Variants in CNTN5 observed in about 807,000 individuals in gnomAD.
CNTN5 encodes the protein contactin-5.
Under a neutral mutation model 129.1 loss-of-function variants are expected in CNTN5, and 77 were observed. The ratio of observed to expected loss-of-function variants is 0.60; its 90% CI spans 0.50 to 0.72. The LOEUF (loss-of-function observed/expected upper bound fraction) is 0.72. CNTN5 is among the 30% of genes least tolerant of loss of function. CNTN5 has a pLI of 0.00. For missense variants in CNTN5, 1,478 were observed against 1,328.8 expected (o/e 1.11, Z -1.75); for synonymous variants, 509 against 465.6 (o/e 1.09, Z -1.20).
At chr11:99,913,914 T>TTCGATGAAGATG (rs1239027231) in intron 6 of CNTN5, among the ~76,000 whole-genome samples, 4 of 152,164 alleles carry the variant, frequency 2.6e-5, no homozygotes, top group African/African-American at 9.6e-5. Flanking sequence ...AATTTGTAGA[T>TTCGATGAAGATG]TCGATGAAGA....
chr11:100,356,176 G>A lies in CNTN5; in HGVS notation c.3259G>A (p.Val1087Ile). ...CTCTCTCTCCACATCTTCGTCATCA[G>A]TCACCTTGCTCTTGGCATTGATGAT... ...LHSLSTSSSS[V>I]TLLLALMIPS... The change falls in exon 25 of 25, where the codon GTC (valine) becomes ATC (isoleucine). Residue 1087 changes from valine to isoleucine, a missense_variant. Transcript: ENST00000524871. The A allele has an allele frequency of 6.2e-7, 1 of 1,610,674 alleles. No homozygotes were observed. The highest frequency in any genetic ancestry group is 1.1e-5 in the South Asian group (1 of 90,680).
intron 6 of CNTN5, among the ~76,000 whole-genome samples, chr11:99,849,897 C>G (rs1481399176): frequency 6.6e-6 from 1 of 152,016 alleles, no homozygotes; most frequent in Non-Finnish European, 1.5e-5. Flanking sequence ...TTTGACTTAG[C>G]CAATTTGACT....
intron 8 of CNTN5, among the ~76,000 whole-genome samples, chr11:99,964,983 A>G (rs1221909904): frequency 2.0e-5 from 3 of 152,086 alleles, no homozygotes; most frequent in East Asian, 3.9e-4. Context: ...GGTAGTTTGT[A>G]TTTCTGTGGG....
chr11:99,355,601 A>C (rs1212920577), intron 2 of CNTN5, among the ~76,000 whole-genome samples: 1 of 152,084 alleles, frequency 6.6e-6, no homozygotes, highest in Non-Finnish European at 1.5e-5. Context: ...CATCTAGAAA[A>C]AGTAGAGTGT....
chr11:99,989,598 T>C (rs1164922219), intron 8 of CNTN5, among the ~76,000 whole-genome samples: 4 of 152,194 alleles, frequency 2.6e-5, no homozygotes, highest in African/African-American at 4.8e-5. Flanking sequence ...GAACTTATTG[T>C]AAAATATTTG....
At chr11:99,352,553 C>T (rs537007154) in intron 2 of CNTN5, among the ~76,000 whole-genome samples, 191 of 151,880 alleles carry the variant, frequency 1.3e-3, no homozygotes, top group Admixed American at 2.6e-3. Flanking sequence ...TTGTTTGGAG[C>T]CCCTATTCCT....
chr11:99,669,340 C>A (rs187337297), intron 3 of CNTN5, among the ~76,000 whole-genome samples: 1 of 152,040 alleles, frequency 6.6e-6, no homozygotes, highest in Admixed American at 6.6e-5. Flanking sequence ...TTATTGTAGT[C>A]TACTTATGCA....
chr11:99,637,010 C>CAAAAAAAAAAA lies in CNTN5; in HGVS notation c.55+80762_55+80772dup, dbSNP rs869133131. 8.4e-3 allele frequency among the ~76,000 whole-genome samples: 66 copies of CAAAAAAAAAAA among 7,822 alleles called. 17 individuals are homozygous for CAAAAAAAAAAA. Among genetic ancestry groups the CAAAAAAAAAAA allele is most frequent in the South Asian group, 0.027 (2 of 74 alleles). The allele number at this position is 7,822 out of a possible 152,430, so 5.1% of individuals were successfully genotyped here. On this transcript the variant is annotated intron_variant, in intron 3 of 24. Coordinates refer to ENST00000524871, the MANE Select transcript of CNTN5 (RefSeq NM_014361.4). ...CCTGGTGACAGAGCTAACTTTGTCT[C>CAAAAAAAAAAA]AAAAAAAAAAAAAAAAAAAAAAAAA...
chr11:100,170,688 C>T (rs2044983), intron 13 of CNTN5, among the ~76,000 whole-genome samples: 134,350 of 151,936 alleles, frequency 0.88, 59,684 homozygotes, highest in East Asian at 0.99. Context: ...TAGACAAGGA[C>T]AGTTCCATGC....
At chr11:100,240,770 A>G (rs1174591034) in intron 16 of CNTN5, among the ~76,000 whole-genome samples, 2 of 152,212 alleles carry the variant, frequency 1.3e-5, no homozygotes, top group African/African-American at 2.4e-5. Flanking sequence ...GTTTACCCAT[A>G]TATTGTCAAG....
At chr11:99,823,677 G>GTGAC (rs1946868397) in intron 4 of CNTN5, among the ~76,000 whole-genome samples, 1 of 151,852 alleles carries the variant, frequency 6.6e-6, no homozygotes, top group South Asian at 2.1e-4. Context: ...AAAGTGTCTT[G>GTGAC]TGACTATATA....
At chr11:99,567,078 T>C (rs2135565840) in intron 3 of CNTN5, among the ~76,000 whole-genome samples, 1 of 152,312 alleles carries the variant, frequency 6.6e-6, no homozygotes, top group South Asian at 2.1e-4. Context: ...ATCTTTGCAC[T>C]TGGGTAAGTA....
intron 2 of CNTN5, among the ~76,000 whole-genome samples, chr11:99,472,612 G>A (rs1173004756): frequency 6.6e-6 from 1 of 152,082 alleles, no homozygotes; most frequent in Non-Finnish European, 1.5e-5. Flanking sequence ...GCAGCCAAGC[G>A]ACATTGATGT....
chr11:100,303,617 CT>C (rs1951281511), intron 20 of CNTN5, among the ~76,000 whole-genome samples: 1 of 151,428 alleles, frequency 6.6e-6, no homozygotes, highest in Non-Finnish European at 1.5e-5. Flanking sequence ...TTTGCCTTAT[CT>C]GTAAAAAAAT....
intron 2 of CNTN5, among the ~76,000 whole-genome samples, chr11:99,504,372 C>A (rs1030809637): frequency 1.3e-5 from 2 of 151,772 alleles, no homozygotes; most frequent in Non-Finnish European, 2.9e-5. Context: ...GAAACCCCGT[C>A]TCTACTAAAG....
chr11:99,841,877 TAC>T (rs1385176008), intron 4 of CNTN5, among the ~76,000 whole-genome samples: 4 of 77,966 alleles, frequency 5.1e-5, no homozygotes, highest in African/African-American at 1.5e-4. Flanking sequence ...TATATACACA[TAC>T]ATATACATAT....
At chr11:100,024,287 A>G (rs1006023660) in intron 9 of CNTN5, among the ~76,000 whole-genome samples, 2 of 151,876 alleles carry the variant, frequency 1.3e-5, no homozygotes, top group Middle Eastern at 3.4e-3. Context: ...CTTCCCTTTC[A>G]CCTTCCCCCA....
rs548194378 is a variant in CNTN5, at chr11:99,790,136, TG to T, written c.56-29406del. ...AAAGACATGATTTCATTATTTTCTATGGCTGCATAGTATTCTATGGTGTACA... is the reference window on the plus strand; with the variant it reads ...AAAGACATGATTTCATTATTTTCTATGCTGCATAGTATTCTATGGTGTACA... On this transcript the variant is annotated intron_variant, in intron 3 of 24. Coordinates refer to ENST00000524871, the MANE Select transcript of CNTN5 (RefSeq NM_014361.4). 6.2e-4 allele frequency among the ~76,000 whole-genome samples: 94 copies of T among 152,112 alleles called. 1 individual carries two copies. The highest frequency in any genetic ancestry group is 4.8e-3 in the South Asian group (23 of 4,826).
intron 18 of CNTN5, among the ~76,000 whole-genome samples, chr11:100,274,038 A>C (rs1049779183): frequency 1.3e-5 from 2 of 152,206 alleles, no homozygotes; most frequent in South Asian, 4.1e-4. Flanking sequence ...AGATGAGCGG[A>C]ACAGAATAGA....
Sources: gnomAD v4.1 joint callset for allele counts (sites outside exome capture counted in the v4.1 genomes callset) on GRCh38, gnomAD v4.1.1 for gene constraint, MANE v1.5 for transcripts, NCBI Gene and HGNC (gene_info 2026-07-23, HGNC 2026-07-21) for gene names.